Variants in LRP12 observed in about 807,000 individuals in gnomAD.
LRP12 encodes the protein LDL receptor related protein 12.
In LRP12, 14 loss-of-function variants were observed where a neutral mutation model predicts 66.0. That is an observed-to-expected ratio of 0.21 (90% confidence interval 0.14 to 0.33). The LOEUF (loss-of-function observed/expected upper bound fraction) is 0.33. Among genes scored for constraint, LRP12 ranks in the 10% least tolerant of loss-of-function variants. The pLI, the probability that LRP12 is intolerant of heterozygous loss-of-function variation, is 1.00. For synonymous variants in LRP12, 357 were observed against 359.1 expected, an observed-to-expected ratio of 0.99 and a Z score of 0.07; for missense variants, 889 against 1,053.4, an observed-to-expected ratio of 0.84 and a Z score of 2.16.
At position 104,489,285 on chromosome 8, in the gene LRP12, C is replaced by G. The variant is rs372150702; in HGVS notation, c.*1388G>C. 3.3e-5 allele frequency: 5 copies of G among 152,538 alleles called. No homozygotes were observed. The East Asian group carries it at 9.7e-4, about 29-fold the overall frequency. 9.4% of individuals were successfully genotyped at this position (152,538 alleles called of 1,614,324 possible). On this transcript the variant is annotated 3_prime_UTR_variant, in exon 7 of 7. Transcript: ENST00000276654. ...AAAAAAATCATTTTAATTTTTGATA[C>G]ATATTAAAACATCTTAGTCAGTTCC...
intron 1 of LRP12, among the ~76,000 whole-genome samples, chr8:104,540,309 G>A (rs1811456206): frequency 6.6e-6 from 1 of 152,134 alleles, no homozygotes; most frequent in African/African-American, 2.4e-5. Context: ...CTCCAGAACT[G>A]AGAGAAAACA....
chr8:104,579,271 TCCTATA>T, intron 1 of LRP12, among the ~76,000 whole-genome samples: 1 of 152,108 alleles, frequency 6.6e-6, no homozygotes, highest in South Asian at 2.1e-4. Flanking sequence ...TCACTAACAT[TCCTATA>T]CACCAACAAC....
At position 104,497,321 on chromosome 8, in the gene LRP12, T is replaced by C; in HGVS notation, c.1231A>G (p.Thr411Ala). 6.2e-7 allele frequency: 1 copy of C among 1,614,144 alleles called. No individual in the cohort carries two copies. The highest frequency in any genetic ancestry group is 8.5e-7 in the Non-Finnish European group (1 of 1,180,026). The change falls in exon 5 of 7, where the codon ACC (threonine) becomes GCC (alanine). Residue 411 changes from threonine (T) to alanine (A), a missense_variant. Around this residue, in one of 3 missense-constraint regions of LRP12, gnomAD observed 800 missense variants for 964.5 expected, o/e 0.83. Transcript: ENST00000276654. The surrounding 1 kb of genome is among the most constrained non-coding windows in gnomAD (Gnocchi z 4.3). ...GGAAATTCTTCCTTCTGGCACATGG[T>C]ACAATTGGTTTCATCCCTTCCATTT... The part of the protein sequence containing the change: ...CPNGRDETNC[T>A]MCQKEEFPCS...
chr8:104,573,306 C>A (rs7016935), intron 1 of LRP12, among the ~76,000 whole-genome samples: 1,949 of 152,284 alleles, frequency 0.013, 52 homozygotes, highest in African/African-American at 0.043. Context: ...GTCATCCACA[C>A]AAACCGGATG....
chr8:104,571,785 T>G (rs546813311), intron 1 of LRP12, among the ~76,000 whole-genome samples: 4 of 152,126 alleles, frequency 2.6e-5, no homozygotes, highest in Admixed American at 2.0e-4. Context: ...GGGATCTAGG[T>G]TGGGAGCTCC....
chr8:104,511,935 A>T (rs765272084), intron 2 of LRP12, among the ~76,000 whole-genome samples: 9 of 151,990 alleles, frequency 5.9e-5, no homozygotes, highest in Non-Finnish European at 8.8e-5. Context: ...TTCGTTAGTA[A>T]ATCTCCCTTA....
At chr8:104,552,418 C>T (rs369375470) in intron 1 of LRP12, among the ~76,000 whole-genome samples, 322 of 150,974 alleles carry the variant, frequency 2.1e-3, no homozygotes, top group African/African-American at 7.6e-3. Flanking sequence ...GCCTGTAATC[C>T]CAGCACTTTG....
At chr8:104,580,358 TAAAAAAA>T (rs774764260) in intron 1 of LRP12, among the ~76,000 whole-genome samples, 6 of 92,196 alleles carry the variant, frequency 6.5e-5, no homozygotes, top group Admixed American at 2.4e-4. Context: ...CTACTAAAAA[TAAAAAAA>T]AAAAAAAAAA....
At chr8:104,565,810 G>A (rs372855103) in intron 1 of LRP12, among the ~76,000 whole-genome samples, 19 of 149,700 alleles carry the variant, frequency 1.3e-4, no homozygotes, top group African/African-American at 5.0e-5. Flanking sequence ...GCAGTGAACC[G>A]AGATCGCACC....
chr8:104,535,812 T>C (rs769108835), intron 1 of LRP12, among the ~76,000 whole-genome samples: 1 of 152,132 alleles, frequency 6.6e-6, no homozygotes, highest in Admixed American at 6.6e-5. Context: ...ATTAAAAAGT[T>C]TGTGTTCCTT....
In LRP12 at chr8:104,547,038, TA is replaced by T. The variant is rs1811576207; in HGVS notation, c.80-15076del. On this transcript the variant is annotated intron_variant, in intron 1 of 6. Coordinates refer to ENST00000276654, the MANE Select transcript of LRP12 (RefSeq NM_013437.5). ...GTATATAATATATAATTATAAATAA[TA>T]TACAATTCTATATTATATCATACTT... Among the ~76,000 whole-genome samples, 6 of 145,804 alleles carry T rather than the reference TA, an allele frequency of 4.1e-5. No homozygotes were observed. In the South Asian group the frequency reaches 1.3e-3, roughly 31 times the overall value.
Position 104,508,950 on chromosome 8 carries a change from G to A in LRP12, c.261C>T (p.Ile87=). Residue 87 remains isoleucine, a synonymous_variant, in exon 3 of 7, where the codon ATC becomes ATT. Transcript: ENST00000276654. ...AAAGGTAGAATTACCTTATAGTAAT[G>A]ATTTCGCCTGGGTTTGCCCTTATGA... ...SWFIRANPGE[I]ITISFQDFDI... The A allele has an allele frequency of 6.2e-7, 1 of 1,612,724 alleles. No individual in the cohort carries two copies. Among genetic ancestry groups the A allele is most frequent in the Non-Finnish European group, 8.5e-7 (1 of 1,179,106 alleles).
chr8:104,548,164 T>TA (rs1811635039), intron 1 of LRP12, among the ~76,000 whole-genome samples: 1 of 45,638 alleles, frequency 2.2e-5, no homozygotes, highest in Non-Finnish European at 3.6e-5. Context: ...TAATAATTAT[T>TA]ATATATAATA....
rs929983727 is a variant in LRP12 at position 104,508,955 on chromosome 8, C to T, written c.256G>A (p.Glu86Lys). The change falls in exon 3 of 7, where the codon GAA becomes AAA. Residue 86 changes from glutamate to lysine, a missense_variant. By Grantham distance (56) the Glu-to-Lys change is moderately conservative (BLOSUM62 1). Transcript: ENST00000276654. Reference protein sequence around the residue: ...CSWFIRANPGEIITISFQDFD... With the variant: ...CSWFIRANPGKIITISFQDFD... Reference sequence around the variant, plus strand: ...TAGAATTACCTTATAGTAATGATTTCGCCTGGGTTTGCCCTTATGAACCAG... The same window carrying T: ...TAGAATTACCTTATAGTAATGATTTTGCCTGGGTTTGCCCTTATGAACCAG... 15 of 1,612,590 alleles carry T rather than the reference C, an allele frequency of 9.3e-6. No individual in the cohort carries two copies. The highest frequency in any genetic ancestry group is 1.3e-5 in the African/African-American group (1 of 74,864).
intron 6 of LRP12, among the ~76,000 whole-genome samples, chr8:104,493,168 G>A (rs1810664525): frequency 1.3e-5 from 2 of 152,188 alleles, no homozygotes; most frequent in African/African-American, 4.8e-5. Context: ...TCTCACGAAT[G>A]TTCTAGGAAT....
intron 1 of LRP12, among the ~76,000 whole-genome samples, chr8:104,588,024 A>T (rs1254456310): frequency 6.6e-6 from 1 of 152,212 alleles, no homozygotes; most frequent in Non-Finnish European, 1.5e-5. Context: ...CGCAATATAA[A>T]GCTGTCCGCA....
At chr8:104,526,650 T>C (rs1304526670) in intron 2 of LRP12, among the ~76,000 whole-genome samples, 1 of 142,108 alleles carries the variant, frequency 7.0e-6, no homozygotes, top group Non-Finnish European at 1.5e-5. Context: ...TGAAACTGGA[T>C]CCCTTCCTTA....
At chr8:104,550,403 G>A (rs73295161) in intron 1 of LRP12, among the ~76,000 whole-genome samples, 1,848 of 152,198 alleles carry the variant, frequency 0.012, 35 homozygotes, top group African/African-American at 0.041. Context: ...CCTTATGAAG[G>A]AGGTGTTAGT....
At chr8:104,510,708 G>A (rs995974134) in intron 2 of LRP12, among the ~76,000 whole-genome samples, 10 of 152,012 alleles carry the variant, frequency 6.6e-5, no homozygotes, top group Admixed American at 5.2e-4. Flanking sequence ...TAGCTGCCAG[G>A]GGTACATAAA....
Sources: allele counts gnomAD v4.1 joint callset (sites outside exome capture counted in the v4.1 genomes callset), GRCh38; gene constraint gnomAD v4.1.1; regional missense constraint gnomAD v4.1.1; non-coding constraint Gnocchi (gnomAD v3.1); transcripts MANE v1.5; gene names NCBI Gene and HGNC (gene_info 2026-07-23, HGNC 2026-07-21).